The following HECW2 variants were observed in gnomAD, a reference collection of about 807,000 sequenced individuals.
The protein encoded by HECW2 is E3 ubiquitin-protein ligase HECW2.
HECW2 carries 61 observed loss-of-function variants against 175.2 expected under a neutral mutation model. The ratio of observed to expected loss-of-function variants is 0.35; its 90% CI spans 0.28 to 0.43. The LOEUF is 0.43. HECW2 is among the 20% of genes least tolerant of loss of function. The pLI is 1.00. For synonymous variants in HECW2, 671 were observed against 731.0 expected (o/e 0.92, Z 1.32); for missense variants, 1,524 against 2,000.5 (o/e 0.76, Z 4.54).
In HECW2 at chr2:196,323,915, GTTTGTTTTT is replaced by G. The variant is rs1247750950; in HGVS notation, c.741+1056_741+1064del. ...CCCTTAAGAGTTTTTTTTGTTTTTT[GTTTGTTTTT>G]TTTTTTTTTTTTTACCATGATGAGA... On this transcript the variant is annotated intron_variant, in intron 6 of 28. Coordinates refer to ENST00000644978, the MANE Select transcript of HECW2 (RefSeq NM_001348768.2). 2.6e-3 allele frequency among the ~76,000 whole-genome samples: 180 copies of G among 68,822 alleles called. 1 individual carries two copies. The highest frequency in any genetic ancestry group is 6.6e-3 in the African/African-American group (153 of 23,334). The allele number at this position is 68,822 out of a possible 152,430, so 45.1% of individuals were successfully genotyped here.
At position 196,195,374 on chromosome 2, in the gene HECW2, C is replaced by A. The variant is rs1412489572; in HGVS notation, c.*5903G>T. On this transcript the variant is annotated 3_prime_UTR_variant, in exon 29 of 29. Coordinates refer to ENST00000644978, the MANE Select transcript of HECW2 (RefSeq NM_001348768.2). ...GTCATATAGAAAGATATCACCTGCC[C>A]AAGGGCACTACACATAAAAATCACA... The A allele has an allele frequency of 6.6e-6, 1 of 152,206 alleles. No homozygotes were observed. The highest frequency in any genetic ancestry group is 2.4e-5 in the African/African-American group (1 of 41,446). 9.4% of individuals were successfully genotyped at this position (152,206 alleles called of 1,614,324 possible). A position where few individuals can be genotyped will look rare whatever the true frequency, so the allele number is the denominator to read the frequency against.
At chr2:196,323,928 T>G (rs1191173732) in intron 6 of HECW2, among the ~76,000 whole-genome samples, 2 of 149,166 alleles carry the variant, frequency 1.3e-5, no homozygotes, top group African/African-American at 2.4e-5. Context: ...TGTTTTTTTT[T>G]TTTTTTTTTA....
At chr2:196,421,115 T>C (rs1287764066) in intron 2 of HECW2, among the ~76,000 whole-genome samples, 1 of 152,092 alleles carries the variant, frequency 6.6e-6, no homozygotes, top group Non-Finnish European at 1.5e-5. Context: ...ATGTGAGATG[T>C]GGGAGTAAAA....
intron 1 of HECW2, among the ~76,000 whole-genome samples, chr2:196,532,282 G>A (rs563697011): frequency 1.2e-4 from 18 of 152,256 alleles, no homozygotes; most frequent in African/African-American, 4.1e-4. Flanking sequence ...TATACACCAC[G>A]GAATACTATG....
intron 28 of HECW2, among the ~76,000 whole-genome samples, chr2:196,202,471 G>A (rs1686895417): frequency 6.6e-6 from 1 of 152,130 alleles, no homozygotes; most frequent in African/African-American, 2.4e-5. Flanking sequence ...CTCTGAGCCC[G>A]TATTTCTCAC....
chr2:196,306,103 C>T (rs903167683), intron 13 of HECW2, among the ~76,000 whole-genome samples: 2 of 152,092 alleles, frequency 1.3e-5, no homozygotes, highest in African/African-American at 4.8e-5. Flanking sequence ...TAAAAGAAGC[C>T]TGAGAGAGCA....
At chr2:196,219,949 G>A in intron 26 of HECW2, 90 bp downstream of exon 26, 7 of 805,170 alleles carry the variant, frequency 8.7e-6, no homozygotes, top group South Asian at 1.5e-5. Context: ...TCCAAGTGCT[G>A]TTGCCTGTCC....
chr2:196,552,876 A>G (rs1270430524), intron 1 of HECW2, among the ~76,000 whole-genome samples: 1 of 152,226 alleles, frequency 6.6e-6, no homozygotes, highest in African/African-American at 2.4e-5. Flanking sequence ...TGTCTCCGGC[A>G]TTAAGGAAGT....
At chr2:196,491,089 A>G (rs1687168842) in intron 1 of HECW2, among the ~76,000 whole-genome samples, 1 of 152,174 alleles carries the variant, frequency 6.6e-6, no homozygotes, top group Non-Finnish European at 1.5e-5. Context: ...CTCAAAATAC[A>G]TAAATTTTAT....
Position 196,319,198 on chromosome 2 carries a change from A to T in HECW2, c.1692T>A (p.Ser564Arg). 2 of 1,597,804 alleles carry T rather than the reference A, an allele frequency of 1.3e-6. No individual in the cohort carries two copies. Among genetic ancestry groups the T allele is most frequent in the South Asian group, 1.1e-5 (1 of 87,746 alleles). ...CCTCTTGAGAGCCACACAGTTCAGCACTGCCCTGGTCAGCACTGGGTTGAG... is the reference window on the plus strand; with the variant it reads ...CCTCTTGAGAGCCACACAGTTCAGCTCTGCCCTGGTCAGCACTGGGTTGAG... Reference protein sequence around the residue: ...PEPQPSADQGSAELCGSQEVD... With the variant: ...PEPQPSADQGRAELCGSQEVD... The change falls in exon 9 of 29, where the codon AGT (serine) becomes AGA (arginine). Residue 564 changes from serine (S) to arginine (R), a missense_variant. By Grantham distance (110) the Ser-to-Arg change is moderately radical (BLOSUM62 -1). Transcript: ENST00000644978.
Position 196,450,280 on chromosome 2 carries a change from A to AT in HECW2, c.-35-16823dup, listed in dbSNP as rs1481852714. 2.0e-5 allele frequency among the ~76,000 whole-genome samples: 3 copies of AT among 152,232 alleles called. No individual in the cohort carries two copies. In the South Asian group the frequency reaches 6.2e-4, roughly 31 times the overall value. On this transcript the variant is annotated intron_variant, in intron 1 of 28. Coordinates refer to ENST00000644978, the MANE Select transcript of HECW2 (RefSeq NM_001348768.2). ...GAAGGGAAAGAATCTGAGTTGACCGATAAAAACACGGTGCTTAGCCAGAGA... is the reference window on the plus strand; with the variant it reads ...GAAGGGAAAGAATCTGAGTTGACCGATTAAAAACACGGTGCTTAGCCAGAGA...
chr2:196,482,512 T>C (rs931163602), intron 1 of HECW2, among the ~76,000 whole-genome samples: 2 of 152,162 alleles, frequency 1.3e-5, no homozygotes, highest in African/African-American at 4.8e-5. Flanking sequence ...GCCAGCACCA[T>C]GCCTACAAGA....
intron 1 of HECW2, among the ~76,000 whole-genome samples, chr2:196,530,612 T>TG (rs1235055372): frequency 6.6e-6 from 1 of 152,214 alleles, no homozygotes; most frequent in East Asian, 1.9e-4. Flanking sequence ...CTCCTTAACA[T>TG]GGTTTAGTGA....
chr2:196,259,973 A>G (rs1460426990), intron 17 of HECW2: 1 of 152,216 alleles, frequency 6.6e-6, no homozygotes, highest in African/African-American at 2.4e-5. Context: ...GAACAAGACA[A>G]AAAACAAACA....
rs140795887 is a variant in HECW2, at chr2:196,245,371, A to G, written c.3530-3167T>C. Among the ~76,000 whole-genome samples, 21 of 152,342 alleles carry G rather than the reference A, an allele frequency of 1.4e-4. No homozygotes were observed. In the East Asian group the frequency reaches 3.5e-3, roughly 25 times the overall value. On this transcript the variant is annotated intron_variant, in intron 19 of 28. Transcript: ENST00000644978. ...CCTGTCCAAGTCATATTCCAGTGAC[A>G]GTAGATTTGGGATTTGAGCCAAGTC... is the stretch of plus-strand genomic sequence containing the variant.
intron 4 of HECW2, among the ~76,000 whole-genome samples, chr2:196,332,443 G>T (rs73051616): frequency 0.019 from 2,865 of 152,232 alleles, 106 homozygotes; most frequent in African/African-American, 0.066. Context: ...AAAGACCCAT[G>T]GCATTATTCA....
intron 2 of HECW2, among the ~76,000 whole-genome samples, chr2:196,364,677 G>A (rs560550016): frequency 1.3e-5 from 2 of 152,248 alleles, no homozygotes; most frequent in Admixed American, 6.5e-5. Flanking sequence ...GCACTAGGAG[G>A]TAGCTGAGAA....
At chr2:196,568,651 C>T (rs1690267243) in intron 1 of HECW2, among the ~76,000 whole-genome samples, 1 of 152,178 alleles carries the variant, frequency 6.6e-6, no homozygotes, top group South Asian at 2.1e-4. Context: ...CTGATCTTTT[C>T]CTGGCCTAGC....
chr2:196,533,483 G>T (rs997583483), intron 1 of HECW2, among the ~76,000 whole-genome samples: 2 of 152,014 alleles, frequency 1.3e-5, no homozygotes, highest in Admixed American at 6.6e-5. Context: ...GTGTGGGGGG[G>T]TATCTTTTAT....
Sources: gnomAD v4.1 joint callset for allele counts (sites outside exome capture counted in the v4.1 genomes callset) on GRCh38, gnomAD v4.1.1 for gene constraint, MANE v1.5 for transcripts, NCBI Gene and HGNC (gene_info 2026-07-23, HGNC 2026-07-21) for gene names.